Variants in CACNA1B observed in about 807,000 individuals in gnomAD.
The protein encoded by CACNA1B is voltage-dependent N-type calcium channel subunit alpha-1B.
A neutral mutation model predicts 247.2 loss-of-function variants in CACNA1B; 70 were observed. That is an observed-to-expected ratio of 0.28 (90% CI 0.23 to 0.35). The LOEUF is 0.35. Ranked by LOEUF, CACNA1B falls within the 10% of genes least tolerant of loss-of-function variation. The probability of loss-of-function intolerance (pLI) is 1.00; values close to 1 mark genes in which losing one functional copy is unlikely to be tolerated. For missense variants in CACNA1B, 2,367 were observed against 3,197.4 expected (o/e 0.74, Z 6.26); for synonymous variants, 1,231 against 1,294.4 (o/e 0.95, Z 1.05).
At chr9:138,008,546 C>G (rs1958683530) in intron 16 of CACNA1B, among the ~76,000 whole-genome samples, 1 of 152,150 alleles carries the variant, frequency 6.6e-6, no homozygotes, top group Non-Finnish European at 1.5e-5. Flanking sequence ...GGTATGCGCT[C>G]CCTTGACCCC....
intron 6 of CACNA1B, among the ~76,000 whole-genome samples, chr9:137,946,602 GAAAA>G (rs377113014): frequency 5.2e-5 from 7 of 135,596 alleles, no homozygotes; most frequent in Non-Finnish European, 1.1e-4. Context: ...GAAAAACTGA[GAAAA>G]AAAAAAAAAG....
chr9:138,028,023 CTTTTTTTTTTTTTTT>C (rs541594878), intron 20 of CACNA1B, among the ~76,000 whole-genome samples: 2 of 98,748 alleles, frequency 2.0e-5, no homozygotes, highest in East Asian at 3.3e-4. Context: ...CCCCCCCAAC[CTTTTTTTTTTTTTTT>C]TTTTTTTTTT....
Position 138,052,041 on chromosome 9 carries a change from G to T in CACNA1B, c.3711-51G>T. The T allele has an allele frequency of 9.2e-7, 1 of 1,085,536 alleles. No homozygotes were observed. Among genetic ancestry groups the T allele is most frequent in the Non-Finnish European group, 1.4e-6 (1 of 709,946 alleles). The allele number at this position is 1,085,536 out of a possible 1,614,324, so 67.2% of individuals were successfully genotyped here. On this transcript the variant is annotated intron_variant, in intron 24 of 46. Coordinates refer to ENST00000371372, the MANE Select transcript of CACNA1B (RefSeq NM_000718.4). This position sits in a 1 kb window ranked among gnomAD's most constrained non-coding sequence, Gnocchi z 5.1. The stretch of plus-strand genomic sequence containing the variant: ...GACCCTGGGGGGCCACGTGGGAGCT[G>T]GGCACACCCATGCCTCCTGCCTGTC...
chr9:137,998,455 C>T (rs757890644), intron 15 of CACNA1B, among the ~76,000 whole-genome samples: 105 of 152,104 alleles, frequency 6.9e-4, no homozygotes, highest in Non-Finnish European at 1.2e-3. Flanking sequence ...ACTAAAAATA[C>T]GTAAAATTAG....
Position 138,088,781 on chromosome 9 carries a change from C to T in CACNA1B, c.5095-7703C>T, listed in dbSNP as rs527779757. ...CATCCTGGCCAACATAGTGAAACCC[C>T]GTCTCTACTAAAATACAAAAAAAAA... On this transcript the variant is annotated intron_variant, in intron 36 of 46. Transcript: ENST00000371372. Among the ~76,000 whole-genome samples the T allele has an allele frequency of 6.0e-5, 9 of 151,040 alleles. No homozygotes were observed. In the East Asian group the frequency reaches 9.8e-4, roughly 16 times the overall value.
At chr9:138,071,026 G>T (rs1385709164) in intron 32 of CACNA1B, among the ~76,000 whole-genome samples, 1 of 152,256 alleles carries the variant, frequency 6.6e-6, no homozygotes, top group Non-Finnish European at 1.5e-5. Flanking sequence ...GGCCGTGGTG[G>T]TCTTGGATAC....
intron 3 of CACNA1B, among the ~76,000 whole-genome samples, chr9:137,897,711 C>CATTATT (rs1554922526): frequency 6.6e-6 from 1 of 151,410 alleles, no homozygotes; most frequent in African/African-American, 2.4e-5. Context: ...TCATTTTAAT[C>CATTATT]ATTATTATTA....
chr9:138,013,333 A>G, intron 18 of CACNA1B, 98 bp downstream of exon 18: 1 of 841,884 alleles, frequency 1.2e-6, no homozygotes, highest in Non-Finnish European at 1.8e-6. Context: ...AGGCTTCCTC[A>G]GAGGGCCTCT....
chr9:138,116,684 G>C (rs1241541298), intron 42 of CACNA1B, among the ~76,000 whole-genome samples: 2 of 152,198 alleles, frequency 1.3e-5, no homozygotes, highest in African/African-American at 4.8e-5. Context: ...ACTCAGACTG[G>C]GTCTGGTGAG....
intron 15 of CACNA1B, among the ~76,000 whole-genome samples, chr9:137,995,285 G>GATATAAGGT (rs1958484625): frequency 6.6e-6 from 1 of 150,810 alleles, no homozygotes; most frequent in Admixed American, 6.6e-5. Flanking sequence ...TTCAAACTAC[G>GATATAAGGT]ATATAAGGTC....
rs1382430573 is a variant in CACNA1B at position 138,100,430 on chromosome 9, T to A, written c.5223-2281T>A. Among the ~76,000 whole-genome samples, 4 of 152,152 alleles carry A rather than the reference T, an allele frequency of 2.6e-5. No homozygotes were observed. The highest frequency in any genetic ancestry group is 9.7e-5 in the African/African-American group (4 of 41,430). On this transcript the variant is annotated intron_variant, in intron 37 of 46. Transcript: ENST00000371372. The surrounding 1 kb of genome is among the most constrained non-coding windows in gnomAD (Gnocchi z 4.6). Reference sequence around the variant, plus strand: ...TGGGGAGGGTGGGGGGTCTCACGTGTGTCCAGCCCCCCGTGGTGGTCCCTT... The same window carrying A: ...TGGGGAGGGTGGGGGGTCTCACGTGAGTCCAGCCCCCCGTGGTGGTCCCTT...
At chr9:137,902,808 G>A (rs2133261087) in intron 3 of CACNA1B, among the ~76,000 whole-genome samples, 1 of 152,324 alleles carries the variant, frequency 6.6e-6, no homozygotes, top group African/African-American at 2.4e-5. Flanking sequence ...AGCTGTGCCG[G>A]CTGGTACAAG....
chr9:137,882,607 G>T lies in CACNA1B; in HGVS notation c.391-137G>T. On this transcript the variant is annotated intron_variant, in intron 2 of 46. Transcript: ENST00000371372. The surrounding 1 kb of genome is among the most constrained non-coding windows in gnomAD (Gnocchi z 4.0). The stretch of plus-strand genomic sequence containing the variant: ...TCCTTGGAGAATCTGCAGGGTGTTG[G>T]GGGCAAGGTGAGGAGGGTCAGACCC... 1.1e-6 allele frequency: 1 copy of T among 922,488 alleles called. No homozygotes were observed. Among genetic ancestry groups the T allele is most frequent in the African/African-American group, 1.6e-5 (1 of 60,840 alleles). The allele number at this position is 922,488 out of a possible 1,614,324, so 57.1% of individuals were successfully genotyped here. A position where few individuals can be genotyped will look rare whatever the true frequency, so the allele number is the denominator to read the frequency against.
intron 13 of CACNA1B, among the ~76,000 whole-genome samples, chr9:137,984,716 C>T (rs1354545426): frequency 1.3e-5 from 2 of 152,246 alleles, no homozygotes; most frequent in Non-Finnish European, 2.9e-5. Context: ...AGCCTGGCAC[C>T]TGCCTGGCCC....
intron 23 of CACNA1B, among the ~76,000 whole-genome samples, chr9:138,048,607 C>T (rs1396253393): frequency 2.6e-5 from 4 of 152,196 alleles, no homozygotes; most frequent in African/African-American, 4.8e-5. Context: ...CAGGTGTGCA[C>T]ATAACGTGTG....
chr9:138,097,995 C>T (rs1399138737), intron 37 of CACNA1B, among the ~76,000 whole-genome samples: 1 of 152,196 alleles, frequency 6.6e-6, no homozygotes, highest in African/African-American at 2.4e-5. Context: ...AGGTCCAGAG[C>T]CACTGGCAGC....
chr9:137,956,714 C>G (rs1957953330), intron 8 of CACNA1B, 57 bp from the exon 9 acceptor site: 1 of 1,492,048 alleles, frequency 6.7e-7, no homozygotes, highest in African/African-American at 1.4e-5. Flanking sequence ...GTGCCTCTGT[C>G]CTGGGGCATT....
intron 10 of CACNA1B, among the ~76,000 whole-genome samples, chr9:137,960,965 C>G (rs1456582106): frequency 1.3e-5 from 2 of 151,808 alleles, no homozygotes; most frequent in East Asian, 3.9e-4. Flanking sequence ...TAATCAGTAA[C>G]GTTGGTTTTT....
At chr9:138,115,748 A>G (rs898711392) in intron 42 of CACNA1B, 69 bp downstream of exon 42, 16 of 1,489,078 alleles carry the variant, frequency 1.1e-5, no homozygotes, top group Non-Finnish European at 1.5e-5. Flanking sequence ...GGAAGCAGAC[A>G]TCCCATTTCC....
Sources: allele counts gnomAD v4.1 joint callset (sites outside exome capture counted in the v4.1 genomes callset), GRCh38; gene constraint gnomAD v4.1.1; non-coding constraint Gnocchi (gnomAD v3.1); transcripts MANE v1.5; gene names NCBI Gene and HGNC (gene_info 2026-07-23, HGNC 2026-07-21).